KIR3DL1: variants seen among roughly 807,000 people sequenced by gnomAD.
KIR3DL1 encodes killer cell immunoglobulin-like receptor 3DL1.
In KIR3DL1, 50 loss-of-function variants were observed where a neutral mutation model predicts 40.3. That is an observed-to-expected ratio of 1.24 (90% CI 0.99 to 1.57). KIR3DL1 has a LOEUF of 1.57. KIR3DL1 is among the 40% of genes most tolerant of loss of function. The pLI is 0.00. For synonymous variants in KIR3DL1, 257 were observed against 207.2 expected (o/e 1.24, Z -2.07); for missense variants, 661 against 559.9 (o/e 1.18, Z -1.82).
exon 4 of KIR3DL1, chr19:54,819,788 G>T: frequency 1.9e-6 from 3 of 1,611,590 alleles, no homozygotes; most frequent in Non-Finnish European, 2.5e-6. Flanking sequence ...ATCCTGCAAT[G>T]TTGGTCAGAT....
chr19:54,826,762 C>T (rs2061915262), intron 6 of KIR3DL1, among the ~76,000 whole-genome samples: 1 of 150,036 alleles, frequency 6.7e-6, no homozygotes, highest in Admixed American at 6.6e-5. Flanking sequence ...CCACACACAG[C>T]TGTCAGCCGT....
At chr19:54,818,776 C>T (rs914440448) in intron 3 of KIR3DL1, among the ~76,000 whole-genome samples, 177 bp downstream of exon 3, 15 of 150,990 alleles carry the variant, frequency 9.9e-5, no homozygotes, top group African/African-American at 2.4e-4. Flanking sequence ...CCAATGATGG[C>T]TACATTGTAA....
chr19:54,820,344 T>C (rs1182491552), intron 4 of KIR3DL1, among the ~76,000 whole-genome samples: 2 of 151,516 alleles, frequency 1.3e-5, no homozygotes, highest in Non-Finnish European at 2.9e-5. Context: ...AGAAGTTTCA[T>C]TTCTGTTTTA....
exon 9 of KIR3DL1, chr19:54,830,225 A>G (rs750341954): frequency 6.6e-7 from 1 of 1,524,466 alleles, no homozygotes. Context: ...CATCTTGTAC[A>G]CGGAACTTCC....
intron 1 of KIR3DL1, 50 bp downstream of exon 1, chr19:54,816,584 G>C: frequency 6.6e-7 from 1 of 1,523,004 alleles, no homozygotes. Context: ...TGGAGATCTG[G>C]ACCTGGAGGT....
chr19:54,822,112 A>T (rs2061670425), intron 5 of KIR3DL1, among the ~76,000 whole-genome samples: 1 of 151,018 alleles, frequency 6.6e-6, no homozygotes, highest in Admixed American at 6.6e-5. Flanking sequence ...AGAGAAGGGG[A>T]GACTGGGCTT....
chr19:54,819,632 G>A, intron 3 of KIR3DL1, 81 bp from the exon 4 acceptor site: 2 of 1,485,366 alleles, frequency 1.3e-6, no homozygotes, highest in Non-Finnish European at 1.8e-6. Context: ...GACACGGGGA[G>A]GGGAACCCTC....
chr19:54,818,552 C>A (rs375462085), exon 3 of KIR3DL1: 12 of 1,611,186 alleles, frequency 7.4e-6, no homozygotes, highest in African/African-American at 2.7e-5. Flanking sequence ...CCACACTCCC[C>A]CACTGGGTGG....
Position 54,817,587 on chromosome 19 carries a change from C to A in KIR3DL1, c.70+18C>A. On this transcript the variant is annotated intron_variant, in intron 2 of 8. Coordinates refer to ENST00000391728, the Ensembl canonical transcript of KIR3DL1. The stretch of plus-strand genomic sequence containing the variant: ...ACACATGGGTGAGTCCTTCCCCAAA[C>A]CTTAGGGTGTCATCTCCCCACATAA... 1.3e-6 allele frequency: 2 copies of A among 1,504,656 alleles called. No individual in the cohort carries two copies. Among genetic ancestry groups the A allele is most frequent in the Non-Finnish European group, 9.0e-7 (1 of 1,105,336 alleles). The allele number at this position is 1,504,656 out of a possible 1,614,324, so 93.2% of individuals were successfully genotyped here. A position where few individuals can be genotyped will look rare whatever the true frequency, so the allele number is the denominator to read the frequency against.
intron 6 of KIR3DL1, among the ~76,000 whole-genome samples, chr19:54,825,945 T>C (rs2061865294): frequency 6.6e-6 from 1 of 151,244 alleles, no homozygotes; most frequent in African/African-American, 2.5e-5. Flanking sequence ...TTCTTCCTTA[T>C]CTTTTGAAAA....
Position 54,825,225 on chromosome 19 carries a change from G to A in KIR3DL1, c.1000+147G>A, listed in dbSNP as rs751233476. 1,119 of 750,512 alleles carry A rather than the reference G, an allele frequency of 1.5e-3. 10 individuals are homozygous for A. The highest frequency in any genetic ancestry group is 2.3e-3 in the Non-Finnish European group (978 of 427,756). The allele number at this position is 750,512 out of a possible 1,614,324, so 46.5% of individuals were successfully genotyped here. Reference sequence around the variant, plus strand: ...AACTCCAGACACTCCAACAGTGAAAGGGATCTAGGGCCACCAAAGGGCTCA... The same window carrying A: ...AACTCCAGACACTCCAACAGTGAAAAGGATCTAGGGCCACCAAAGGGCTCA... On this transcript the variant is annotated intron_variant, in intron 6 of 8. Coordinates refer to ENST00000391728, the Ensembl canonical transcript of KIR3DL1.
chr19:54,821,737 C>T, exon 5 of KIR3DL1: 1 of 1,608,588 alleles, frequency 6.2e-7, no homozygotes, highest in South Asian at 1.1e-5. Flanking sequence ...ACAGAACATT[C>T]CAGGCAGATT....
In KIR3DL1 at chr19:54,820,089, G is replaced by T. The variant is rs2061561669; in HGVS notation, c.655+77G>T. The stretch of plus-strand genomic sequence containing the variant: ...ATCCAGGACTTGGAACCCCCAGGTG[G>T]TCATGAGGAAGATAAGTGTGGGATT... On this transcript the variant is annotated intron_variant, in intron 4 of 8. Transcript: ENST00000391728. 129 of 1,466,396 alleles carry T rather than the reference G, an allele frequency of 8.8e-5. 6 individuals carry two copies. The South Asian group carries it at 1.5e-3, about 17-fold the overall frequency. 90.8% of individuals were successfully genotyped at this position (1,466,396 alleles called of 1,614,324 possible).
chr19:54,816,994 C>A (rs1226409218), intron 1 of KIR3DL1, among the ~76,000 whole-genome samples: 20 of 98,918 alleles, frequency 2.0e-4, no homozygotes, highest in African/African-American at 7.2e-4. Flanking sequence ...GTTATGGGCC[C>A]GGAGGTGGAG....
exon 5 of KIR3DL1, chr19:54,821,691 C>A: frequency 6.2e-7 from 1 of 1,609,700 alleles, no homozygotes; most frequent in Middle Eastern, 1.7e-4. Context: ...GAGGGGGGAG[C>A]CCATGAACGT....
intron 6 of KIR3DL1, among the ~76,000 whole-genome samples, chr19:54,827,500 T>G (rs1266309593): frequency 1.3e-5 from 2 of 150,460 alleles, no homozygotes; most frequent in African/African-American, 5.0e-5. Flanking sequence ...TAATCCCAGC[T>G]CCTGCTCTGG....
chr19:54,821,994 A>G, intron 5 of KIR3DL1, 136 bp downstream of exon 5: 1 of 1,093,980 alleles, frequency 9.1e-7, no homozygotes, highest in Non-Finnish European at 1.3e-6. Context: ...GTCAGGGCGC[A>G]GGATGGCAGA....
intron 5 of KIR3DL1, among the ~76,000 whole-genome samples, chr19:54,823,698 A>G (rs1279846118): frequency 6.6e-6 from 1 of 151,396 alleles, no homozygotes; most frequent in African/African-American, 2.4e-5. Context: ...GAGTTTCTCC[A>G]TGATGGTCAG....
At chr19:54,824,393 T>C (rs535032808) in intron 5 of KIR3DL1, among the ~76,000 whole-genome samples, 3 of 151,630 alleles carry the variant, frequency 2.0e-5, no homozygotes, top group Admixed American at 2.0e-4. Context: ...GTCCATTAAA[T>C]GGGCTGGGTA....
Sources: allele counts gnomAD v4.1 joint callset (sites outside exome capture counted in the v4.1 genomes callset), GRCh38; gene constraint gnomAD v4.1.1; transcripts MANE v1.5; gene names NCBI Gene and HGNC (gene_info 2026-07-23, HGNC 2026-07-21).